The following LGI1 variants were observed in gnomAD, a reference collection of about 807,000 sequenced individuals.
LGI1 encodes leucine rich glioma inactivated 1, also known as leucine-rich glioma-inactivated protein 1.
In LGI1, 11 loss-of-function variants were observed where a neutral mutation model predicts 57.7. The ratio of observed to expected loss-of-function variants is 0.19; its 90% CI spans 0.12 to 0.32. The LOEUF is 0.32. Among genes scored for constraint, LGI1 ranks in the 10% least tolerant of loss-of-function variants. The pLI is 1.00. For missense variants in LGI1, 422 were observed against 661.9 expected (o/e 0.64, Z 3.98); for synonymous variants, 222 against 241.9 (o/e 0.92, Z 0.76).
At chr10:93,782,537 C>A (rs1378447138) in intron 4 of LGI1, among the ~76,000 whole-genome samples, 1 of 152,226 alleles carries the variant, frequency 6.6e-6, no homozygotes, top group Non-Finnish European at 1.5e-5. Context: ...AGTGTATATA[C>A]CATTTAAACA....
intron 6 of LGI1, 45 bp downstream of exon 6, chr10:93,792,957 G>A (rs762759406): frequency 2.6e-5 from 41 of 1,572,156 alleles, no homozygotes; most frequent in East Asian, 1.1e-4. Flanking sequence ...TAAAATAAGG[G>A]CTACCTTTTT....
intron 2 of LGI1, chr10:93,767,722 G>T (rs2059693509): frequency 6.6e-6 from 1 of 152,090 alleles, no homozygotes; most frequent in Non-Finnish European, 1.5e-5. Context: ...CTGGGAGTCA[G>T]GCTCCTCAGT....
At chr10:93,759,711 G>T (rs1421722363) in intron 2 of LGI1, among the ~76,000 whole-genome samples, 1 of 152,186 alleles carries the variant, frequency 6.6e-6, no homozygotes, top group African/African-American at 2.4e-5. Flanking sequence ...TATCTTAACT[G>T]CATGATTCAG....
intron 4 of LGI1, 137 bp from the exon 5 acceptor site, chr10:93,789,962 C>T: frequency 1.3e-6 from 1 of 797,924 alleles, no homozygotes; most frequent in Non-Finnish European, 2.0e-6. Context: ...AGTAGTAGTT[C>T]AGAAGAAAAA....
At position 93,758,905 on chromosome 10, in the gene LGI1, A is replaced by C; in HGVS notation, c.287+74A>C. On this transcript the variant is annotated intron_variant, in intron 2 of 7. Coordinates refer to ENST00000371418, the MANE Select transcript of LGI1 (RefSeq NM_005097.4). This position sits in a 1 kb window ranked among gnomAD's most constrained non-coding sequence, Gnocchi z 4.7. Reference sequence around the variant, plus strand: ...ATAAGCCTTCTAGTAAAATGATCTCAATATTAATTTTGTCAAATGTGATTC... The same window carrying C: ...ATAAGCCTTCTAGTAAAATGATCTCCATATTAATTTTGTCAAATGTGATTC... 1 of 1,072,044 alleles carries C rather than the reference A, an allele frequency of 9.3e-7. No homozygotes were observed. Among genetic ancestry groups the C allele is most frequent in the Non-Finnish European group, 1.4e-6 (1 of 696,780 alleles). 66.4% of individuals were successfully genotyped at this position (1,072,044 alleles called of 1,614,324 possible). A position where few individuals can be genotyped will look rare whatever the true frequency, so the allele number is the denominator to read the frequency against.
intron 2 of LGI1, chr10:93,763,488 G>A (rs2059644788): frequency 6.6e-6 from 1 of 152,344 alleles, no homozygotes; most frequent in East Asian, 1.9e-4. Flanking sequence ...GAAAAACCCA[G>A]ACATGTTTTC....
intron 2 of LGI1, chr10:93,771,554 T>C (rs553333782): frequency 6.6e-6 from 1 of 152,124 alleles, no homozygotes; most frequent in Non-Finnish European, 1.5e-5. Context: ...GATGATGCAA[T>C]ACTTAACGAG....
In LGI1 at chr10:93,777,581, G is replaced by C. The variant is rs774735042; in HGVS notation, c.395G>C (p.Arg132Thr). ...IENNNIKSIS[R>T]HTFRGLKSLI... ...AACAACAACATCAAGTCAATTTCAA[G>C]ACATACTTTCCGGGGACTAAAGTCA... Residue 132 changes from arginine to threonine, a missense_variant, in exon 4 of 8, where the codon AGA becomes ACA. By Grantham distance (71) the Arg-to-Thr change is moderately conservative. This residue lies in a region of LGI1 where 63 missense variants were observed against 138.4 expected (regional missense o/e 0.46). Coordinates refer to ENST00000371418, the MANE Select transcript of LGI1 (RefSeq NM_005097.4). The C allele has an allele frequency of 3.7e-6, 6 of 1,613,632 alleles. No individual in the cohort carries two copies. In the East Asian group the frequency reaches 1.3e-4, roughly 36 times the overall value.
At chr10:93,774,413 A>C (rs2059771575) in intron 2 of LGI1, among the ~76,000 whole-genome samples, 1 of 152,120 alleles carries the variant, frequency 6.6e-6, no homozygotes, top group Non-Finnish European at 1.5e-5. Flanking sequence ...GTCTTCAAAA[A>C]ACTTATCTTG....
At chr10:93,777,492 A>C (rs748793766) in intron 3 of LGI1, 42 bp downstream of exon 3, 11 of 1,604,352 alleles carry the variant, frequency 6.9e-6, no homozygotes, top group Non-Finnish European at 9.4e-6. Context: ...ATTCAGGACA[A>C]GTACTCTCAA....
At chr10:93,796,195 T>G (rs186802391) in intron 7 of LGI1, among the ~76,000 whole-genome samples, 274 of 152,348 alleles carry the variant, frequency 1.8e-3, no homozygotes, top group Non-Finnish European at 3.3e-3. Context: ...TTCCTTTTCC[T>G]TCTCTTCACT....
intron 4 of LGI1, among the ~76,000 whole-genome samples, chr10:93,781,544 ATTAC>A (rs1032192548): frequency 1.3e-5 from 2 of 152,096 alleles, no homozygotes; most frequent in Non-Finnish European, 2.9e-5. Context: ...GGGATTCTCA[ATTAC>A]TTTGTTTTGA....
At chr10:93,788,312 A>G (rs1041456323) in intron 4 of LGI1, 1 of 152,238 alleles carries the variant, frequency 6.6e-6, no homozygotes, top group Non-Finnish European at 1.5e-5. Flanking sequence ...GTGGACAGCC[A>G]TAGCAGTTCA....
intron 4 of LGI1, among the ~76,000 whole-genome samples, chr10:93,781,312 T>C (rs2059845767): frequency 2.6e-5 from 4 of 152,012 alleles, no homozygotes; most frequent in African/African-American, 9.7e-5. Flanking sequence ...TGAGCCGAGA[T>C]CACGCCATTG....
At chr10:93,772,677 CTT>C (rs2059752346) in intron 2 of LGI1, 1 of 151,986 alleles carries the variant, frequency 6.6e-6, no homozygotes, top group African/African-American at 2.4e-5. Flanking sequence ...ATATCAGTGT[CTT>C]TGGGTAGTAT....
chr10:93,759,907 T>G (rs2059605615), intron 2 of LGI1, among the ~76,000 whole-genome samples: 1 of 152,180 alleles, frequency 6.6e-6, no homozygotes, highest in Non-Finnish European at 1.5e-5. Flanking sequence ...GATTAGTATA[T>G]CTCACTAAGC....
At chr10:93,762,205 C>T (rs867190600) in intron 2 of LGI1, among the ~76,000 whole-genome samples, 5 of 152,118 alleles carry the variant, frequency 3.3e-5, no homozygotes, top group African/African-American at 9.7e-5. Flanking sequence ...TCCGACATGA[C>T]CAGAAAAAAT....
intron 2 of LGI1, among the ~76,000 whole-genome samples, chr10:93,776,388 T>C (rs1299497484): frequency 6.6e-6 from 1 of 152,164 alleles, no homozygotes. Flanking sequence ...TCTAACCCCT[T>C]GTTGTCCCCC....
At chr10:93,795,079 G>A (rs762017005) in intron 7 of LGI1, among the ~76,000 whole-genome samples, 13 of 152,118 alleles carry the variant, frequency 8.5e-5, no homozygotes, top group African/African-American at 1.4e-4. Flanking sequence ...TTGTGCGGTC[G>A]AAACCAGGCT....
Sources: allele counts gnomAD v4.1 joint callset (sites outside exome capture counted in the v4.1 genomes callset), GRCh38; gene constraint gnomAD v4.1.1; regional missense constraint gnomAD v4.1.1; non-coding constraint Gnocchi (gnomAD v3.1); transcripts MANE v1.5; gene names NCBI Gene and HGNC (gene_info 2026-07-23, HGNC 2026-07-21).